The following MPZL1 variants were observed in gnomAD, a reference collection of about 807,000 sequenced individuals.
MPZL1 encodes the protein myelin protein zero like 1.
MPZL1 carries 16 observed loss-of-function variants against 29.3 expected under a neutral mutation model. The observed-to-expected ratio is 0.55, with a 90% CI of 0.37 to 0.83. The LOEUF is 0.83. MPZL1 is among the 40% of genes least tolerant of loss of function. The probability of loss-of-function intolerance (pLI) is 0.00; values close to 1 mark genes in which losing one functional copy is unlikely to be tolerated. For synonymous variants in MPZL1, 143 were observed against 132.0 expected (o/e 1.08, Z -0.57); for missense variants, 279 against 332.9 (o/e 0.84, Z 1.26).
chr1:167,723,093 C>A (rs1247485975), intron 1 of MPZL1, among the ~76,000 whole-genome samples: 2 of 152,314 alleles, frequency 1.3e-5, no homozygotes, highest in East Asian at 3.9e-4. Flanking sequence ...GTGGTATCTG[C>A]CACAGGACTT....
intron 1 of MPZL1, among the ~76,000 whole-genome samples, chr1:167,740,506 C>T (rs1463370072): frequency 6.6e-6 from 1 of 152,168 alleles, no homozygotes; most frequent in East Asian, 1.9e-4. Flanking sequence ...CTCTGGTTTT[C>T]TTCCCCTCTC....
At chr1:167,787,442 C>T (rs190395672) in intron 5 of MPZL1, among the ~76,000 whole-genome samples, 2 of 152,198 alleles carry the variant, frequency 1.3e-5, no homozygotes, top group African/African-American at 4.8e-5. Context: ...GTCTCAGGTG[C>T]GTGGAAGTTC....
intron 1 of MPZL1, 93 bp downstream of exon 1, chr1:167,722,335 ACT>A: frequency 8.1e-7 from 1 of 1,227,200 alleles, no homozygotes. Flanking sequence ...AGGCGCGCGC[ACT>A]GAGAGCCGAG....
At chr1:167,735,858 T>C (rs1322129532) in intron 1 of MPZL1, among the ~76,000 whole-genome samples, 2 of 152,068 alleles carry the variant, frequency 1.3e-5, no homozygotes, top group Non-Finnish European at 1.5e-5. Flanking sequence ...AAATAACTAA[T>C]GAATTTTAAA....
At chr1:167,786,258 A>C (rs956559006) in intron 5 of MPZL1, among the ~76,000 whole-genome samples, 35 of 152,224 alleles carry the variant, frequency 2.3e-4, no homozygotes, top group Non-Finnish European at 4.1e-4. Context: ...GAGTTTGACT[A>C]TTTAATTTAC....
intron 1 of MPZL1, among the ~76,000 whole-genome samples, chr1:167,745,835 G>T (rs552855082): frequency 6.6e-6 from 1 of 152,162 alleles, no homozygotes; most frequent in South Asian, 2.1e-4. Flanking sequence ...TTAACTGATA[G>T]TTGGAAGACA....
chr1:167,789,605 C>T lies in MPZL1; in HGVS notation c.*1684C>T, dbSNP rs2101804253. The T allele has an allele frequency of 6.6e-6, 1 of 152,246 alleles. No individual in the cohort carries two copies. Among genetic ancestry groups the T allele is most frequent in the South Asian group, 2.1e-4 (1 of 4,816 alleles). The allele number at this position is 152,246 out of a possible 1,614,324, so 9.4% of individuals were successfully genotyped here. On this transcript the variant is annotated 3_prime_UTR_variant, in exon 6 of 6. Transcript: ENST00000359523. ...ACTAATGCTGTTGCATACATGAAGCCTTTTGTTTTTTGAGGAGCTATTTTT... is the reference window on the plus strand; with the variant it reads ...ACTAATGCTGTTGCATACATGAAGCTTTTTGTTTTTTGAGGAGCTATTTTT...
At chr1:167,758,448 A>G (rs1219435014) in intron 1 of MPZL1, among the ~76,000 whole-genome samples, 1 of 152,232 alleles carries the variant, frequency 6.6e-6, no homozygotes, top group Non-Finnish European at 1.5e-5. Context: ...CAGTCATGTC[A>G]GGAAATAGAC....
At chr1:167,749,975 G>A (rs917332651) in intron 1 of MPZL1, among the ~76,000 whole-genome samples, 13 of 152,122 alleles carry the variant, frequency 8.5e-5, no homozygotes, top group African/African-American at 1.9e-4. Flanking sequence ...CAAATAGTCC[G>A]ACATACCTGA....
Position 167,731,275 on chromosome 1 carries a change from T to A in MPZL1, c.91+9033T>A, listed in dbSNP as rs577140896. 2.2e-4 allele frequency among the ~76,000 whole-genome samples: 34 copies of A among 151,584 alleles called. No homozygotes were observed. The South Asian group carries it at 6.7e-3, about 30-fold the overall frequency. On this transcript the variant is annotated intron_variant, in intron 1 of 5. Transcript: ENST00000359523. ...CATGATGAAACCCCATCTCTACTAA[T>A]AATGGAAAAAATTAGTTGGATATGG...
At chr1:167,760,130 A>G (rs376764159) in intron 1 of MPZL1, among the ~76,000 whole-genome samples, 37 of 152,328 alleles carry the variant, frequency 2.4e-4, no homozygotes, top group African/African-American at 8.9e-4. Context: ...GAAAGATGAC[A>G]GTGGCTTGGA....
At chr1:167,741,135 G>C (rs2101758063) in intron 1 of MPZL1, among the ~76,000 whole-genome samples, 1 of 151,818 alleles carries the variant, frequency 6.6e-6, no homozygotes, top group South Asian at 2.1e-4. Context: ...TGCTGCCTCA[G>C]CCTCCTAAGT....
intron 1 of MPZL1, among the ~76,000 whole-genome samples, chr1:167,729,682 GT>G (rs1660224020): frequency 6.6e-6 from 1 of 152,190 alleles, no homozygotes; most frequent in South Asian, 2.1e-4. Flanking sequence ...TTAGGGAGAT[GT>G]TTTAACTTCT....
chr1:167,791,804 G>A lies in MPZL1; in HGVS notation c.*3883G>A, dbSNP rs1047636284. 1.4e-5 allele frequency: 2 copies of A among 146,880 alleles called. No homozygotes were observed. The highest frequency in any genetic ancestry group is 2.5e-5 in the African/African-American group (1 of 39,716). 9.1% of individuals were successfully genotyped at this position (146,880 alleles called of 1,614,324 possible). ...CTTGAGAGGGTAGTGTAGTCTAGGTGGTAGGCACAGATGTCTGAGAGCTTT... is the reference window on the plus strand; with the variant it reads ...CTTGAGAGGGTAGTGTAGTCTAGGTAGTAGGCACAGATGTCTGAGAGCTTT... On this transcript the variant is annotated 3_prime_UTR_variant, in exon 6 of 6. Coordinates refer to ENST00000359523, the MANE Select transcript of MPZL1 (RefSeq NM_003953.6).
At chr1:167,757,278 G>A (rs1212345062) in intron 1 of MPZL1, among the ~76,000 whole-genome samples, 1 of 152,164 alleles carries the variant, frequency 6.6e-6, no homozygotes, top group African/African-American at 2.4e-5. Flanking sequence ...ACTTTATCCA[G>A]CCTGATTGTA....
chr1:167,755,046 T>TA (rs1217019487), intron 1 of MPZL1, among the ~76,000 whole-genome samples: 1 of 152,222 alleles, frequency 6.6e-6, no homozygotes, highest in Admixed American at 6.5e-5. Flanking sequence ...CCATTATATT[T>TA]ACGTTAGGGT....
At chr1:167,770,270 C>T (rs1661209733) in intron 2 of MPZL1, among the ~76,000 whole-genome samples, 1 of 152,240 alleles carries the variant, frequency 6.6e-6, no homozygotes, top group Non-Finnish European at 1.5e-5. Context: ...ATCCCCAGCT[C>T]CACCATCACC....
At chr1:167,783,410 G>T (rs1321250360) in intron 5 of MPZL1, among the ~76,000 whole-genome samples, 1 of 152,178 alleles carries the variant, frequency 6.6e-6, no homozygotes, top group African/African-American at 2.4e-5. Context: ...TATTTGAGGA[G>T]TAGTTGGTTT....
chr1:167,738,490 GA>G (rs1164975727), intron 1 of MPZL1, among the ~76,000 whole-genome samples: 1 of 152,052 alleles, frequency 6.6e-6, no homozygotes, highest in Non-Finnish European at 1.5e-5. Flanking sequence ...TTTATAGCTG[GA>G]AATATATTGA....
Sources: gnomAD v4.1 joint callset for allele counts (sites outside exome capture counted in the v4.1 genomes callset) on GRCh38, gnomAD v4.1.1 for gene constraint, MANE v1.5 for transcripts, NCBI Gene and HGNC (gene_info 2026-07-23, HGNC 2026-07-21) for gene names.